Variants in OTULIN observed in about 807,000 individuals in gnomAD.
The protein encoded by OTULIN is OTU deubiquitinase with linear linkage specificity.
In OTULIN, 15 loss-of-function variants were observed where a neutral mutation model predicts 39.6. That is an observed-to-expected ratio of 0.38 (90% CI 0.25 to 0.58). The LOEUF (loss-of-function observed/expected upper bound fraction) is 0.58, where lower values mean the gene tolerates loss of function less well. OTULIN is among the 20% of genes least tolerant of loss of function. The probability of loss-of-function intolerance (pLI) is 0.66; values close to 1 mark genes in which losing one functional copy is unlikely to be tolerated. For missense variants in OTULIN, 319 were observed against 445.9 expected, an observed-to-expected ratio of 0.72 and a Z score of 2.56; for synonymous variants, 156 against 170.3, an observed-to-expected ratio of 0.92 and a Z score of 0.65.
chr5:14,689,817 A>C (rs943217175), intron 5 of OTULIN, among the ~76,000 whole-genome samples: 2 of 152,164 alleles, frequency 1.3e-5, no homozygotes, highest in African/African-American at 2.4e-5. Flanking sequence ...GGTGCTTCTT[A>C]TTGCATTGTA....
At chr5:14,702,991 T>C (rs756724652), downstream of OTULIN, among the ~76,000 whole-genome samples, 15 of 152,186 alleles carry the variant, frequency 9.9e-5, no homozygotes, top group Non-Finnish European at 1.5e-4. Context: ...CCTCCGCCTT[T>C]GTGAACTGTC....
At chr5:14,675,828 CCTCT>C (rs1285346257) in intron 2 of OTULIN, among the ~76,000 whole-genome samples, 1 of 152,212 alleles carries the variant, frequency 6.6e-6, no homozygotes, top group Non-Finnish European at 1.5e-5. Flanking sequence ...GTTTTCTTAT[CCTCT>C]CTGTTAGTGA....
At chr5:14,704,403 ATC>A (rs1736880363), downstream of OTULIN, among the ~76,000 whole-genome samples, 2 of 151,816 alleles carry the variant, frequency 1.3e-5, no homozygotes, top group Non-Finnish European at 2.9e-5. Flanking sequence ...AAGAGTAAGA[ATC>A]TCTTAGATGT....
In OTULIN at chr5:14,664,789, C is replaced by A; in HGVS notation, c.-37C>A. 8.5e-7 allele frequency: 1 copy of A among 1,177,434 alleles called. No homozygotes were observed. The highest frequency in any genetic ancestry group is 4.0e-5 in the South Asian group (1 of 25,034). The allele number at this position is 1,177,434 out of a possible 1,614,324, so 72.9% of individuals were successfully genotyped here. A position where few individuals can be genotyped will look rare whatever the true frequency, so the allele number is the denominator to read the frequency against. On this transcript the variant is annotated 5_prime_UTR_variant, in exon 1 of 7. Coordinates refer to ENST00000284274, the MANE Select transcript of OTULIN (RefSeq NM_138348.6). ...CCGACGGGAGGGGCTCCGGATCGTTCGGAGCCGGCTGAACCCCTTCGGCCG... is the reference window on the plus strand; with the variant it reads ...CCGACGGGAGGGGCTCCGGATCGTTAGGAGCCGGCTGAACCCCTTCGGCCG...
At position 14,688,969 on chromosome 5, in the gene OTULIN, A is replaced by G. The variant is rs532775112; in HGVS notation, c.595-1070A>G. Among the ~76,000 whole-genome samples the G allele has an allele frequency of 3.0e-4, 46 of 152,318 alleles. 1 individual carries two copies. The East Asian group carries it at 8.5e-3, about 28-fold the overall frequency. ...ATTTGCAATAAGGTTAAAATTACTAATAATCTGAGCCAGCATTACTAACAC... is the reference window on the plus strand; with the variant it reads ...ATTTGCAATAAGGTTAAAATTACTAGTAATCTGAGCCAGCATTACTAACAC... On this transcript the variant is annotated intron_variant, in intron 5 of 6. Coordinates refer to ENST00000284274, the MANE Select transcript of OTULIN (RefSeq NM_138348.6).
At chr5:14,688,335 C>T (rs1423219460) in intron 5 of OTULIN, among the ~76,000 whole-genome samples, 4 of 152,062 alleles carry the variant, frequency 2.6e-5, no homozygotes, top group Non-Finnish European at 5.9e-5. Context: ...GCCAGGGTGT[C>T]GGTGGAGGGT....
intron 3 of OTULIN, 97 bp from the exon 4 acceptor site, chr5:14,681,367 A>C: frequency 5.6e-6 from 8 of 1,430,700 alleles, no homozygotes; most frequent in Non-Finnish European, 6.6e-6. Context: ...GCATCCTCCC[A>C]GTGATCCCAG....
intron 2 of OTULIN, among the ~76,000 whole-genome samples, chr5:14,674,766 AAAAT>A (rs910955018): frequency 7.2e-5 from 11 of 152,292 alleles, no homozygotes; most frequent in African/African-American, 2.4e-4. Flanking sequence ...AAAAAAATAA[AAAAT>A]AAAAATATAA....
chr5:14,684,556 C>G (rs546332357), intron 4 of OTULIN, among the ~76,000 whole-genome samples: 5 of 152,230 alleles, frequency 3.3e-5, no homozygotes, highest in African/African-American at 1.2e-4. Flanking sequence ...TCTGGCCCCC[C>G]TGGCCCCACA....
chr5:14,706,284 G>A, the OTULIN span: 1 of 152,208 alleles, frequency 6.6e-6, no homozygotes, highest in Non-Finnish European at 1.5e-5. Context: ...ATCTTATGCA[G>A]TCTTTTAGAG....
In OTULIN at chr5:14,699,451, C is replaced by G. The variant is rs1262893396; in HGVS notation, c.*6403C>G. 2 of 152,224 alleles carry G rather than the reference C, an allele frequency of 1.3e-5. No homozygotes were observed. Among genetic ancestry groups the G allele is most frequent in the African/African-American group, 4.8e-5 (2 of 41,456 alleles). The allele number at this position is 152,224 out of a possible 1,614,324, so 9.4% of individuals were successfully genotyped here. On this transcript the variant is annotated 3_prime_UTR_variant, in exon 7 of 7. Transcript: ENST00000284274. ...AGTCGGTCATGTGCAGCAGAAAGACCTCCCCACTGTGAACAACAAACCACT... is the reference window on the plus strand; with the variant it reads ...AGTCGGTCATGTGCAGCAGAAAGACGTCCCCACTGTGAACAACAAACCACT...
rs998664609 is a variant in OTULIN, at chr5:14,696,700, G to C, written c.*3652G>C. ...GAATAAAAATCTGAATGAATGGAAG[G>C]CCTTACGTGTATACAGTTTACAAAT... On this transcript the variant is annotated 3_prime_UTR_variant, in exon 7 of 7. Coordinates refer to ENST00000284274, the MANE Select transcript of OTULIN (RefSeq NM_138348.6). 1 of 151,956 alleles carries C rather than the reference G, an allele frequency of 6.6e-6. No individual in the cohort carries two copies. Among genetic ancestry groups the C allele is most frequent in the African/African-American group, 2.4e-5 (1 of 41,252 alleles). 9.4% of individuals were successfully genotyped at this position (151,956 alleles called of 1,614,324 possible).
intron 1 of OTULIN, among the ~76,000 whole-genome samples, chr5:14,669,091 C>T (rs1199673172): frequency 3.9e-5 from 6 of 152,246 alleles, no homozygotes; most frequent in African/African-American, 1.2e-4. Flanking sequence ...AGGCCGGGCG[C>T]GGTGGCTCAC....
chr5:14,674,039 C>T, intron 2 of OTULIN: 1 of 175,440 alleles, frequency 5.7e-6, no homozygotes, highest in East Asian at 1.6e-4. Context: ...ATTTGAAGTG[C>T]ATTTTTCATT....
chr5:14,713,699 T>C, the OTULIN span: 206 of 1,612,204 alleles, frequency 1.3e-4, 2 homozygotes, highest in African/African-American at 2.4e-3. The surrounding 1 kb of genome is among the most constrained non-coding windows in gnomAD (Gnocchi z 4.4). Context: ...TCGTCAGCCG[T>C]GCCCGCCATC....
Position 14,690,818 on chromosome 5 carries a change from T to C in OTULIN, c.864+510T>C, listed in dbSNP as rs2126335583. On this transcript the variant is annotated intron_variant, in intron 6 of 6. Coordinates refer to ENST00000284274, the MANE Select transcript of OTULIN (RefSeq NM_138348.6). This position sits in a 1 kb window ranked among gnomAD's most constrained non-coding sequence, Gnocchi z 4.5. Reference sequence around the variant, plus strand: ...TTTTTGAATGAGGGGTACCAAAGAATTGTGGACATACTTTACAGTCACCAC... The same window carrying C: ...TTTTTGAATGAGGGGTACCAAAGAACTGTGGACATACTTTACAGTCACCAC... Among the ~76,000 whole-genome samples the C allele has an allele frequency of 6.6e-6, 1 of 152,334 alleles. No individual in the cohort carries two copies.
intron 2 of OTULIN, among the ~76,000 whole-genome samples, 184 bp from the exon 3 acceptor site, chr5:14,678,497 C>A (rs1035606971): frequency 3.9e-5 from 6 of 152,078 alleles, no homozygotes; most frequent in African/African-American, 1.4e-4. Context: ...CATTGGGAGA[C>A]CCCCATGGTT....
At chr5:14,712,790 A>T in the OTULIN span, 3 of 1,361,598 alleles carry the variant, frequency 2.2e-6, no homozygotes, top group Non-Finnish European at 3.1e-6. Context: ...GAACGCCACC[A>T]TCCAACCTGG....
chr5:14,683,358 C>T (rs1371954548), intron 4 of OTULIN, among the ~76,000 whole-genome samples: 1 of 152,128 alleles, frequency 6.6e-6, no homozygotes, highest in Non-Finnish European at 1.5e-5. Context: ...TTATTTCTTT[C>T]ATATAGAGGC....
Sources: gnomAD v4.1 joint callset for allele counts (sites outside exome capture counted in the v4.1 genomes callset) on GRCh38, gnomAD v4.1.1 for gene constraint, Gnocchi (gnomAD v3.1) non-coding constraint, MANE v1.5 for transcripts, NCBI Gene and HGNC (gene_info 2026-07-23, HGNC 2026-07-21) for gene names.